Variants in MEGF10 observed in about 807,000 individuals in gnomAD.
MEGF10 encodes the protein multiple epidermal growth factor-like domains protein 10.
Under a neutral mutation model 147.5 loss-of-function variants are expected in MEGF10, and 86 were observed. The ratio of observed to expected loss-of-function variants is 0.58; its 90% CI spans 0.49 to 0.70. MEGF10 has a LOEUF of 0.70. Among genes scored for constraint, MEGF10 ranks in the 30% least tolerant of loss-of-function variants. MEGF10 has a pLI of 0.00. For synonymous variants in MEGF10, 478 were observed against 525.5 expected, an observed-to-expected ratio of 0.91 and a Z score of 1.24; for missense variants, 1,329 against 1,487.3, an observed-to-expected ratio of 0.89 and a Z score of 1.75.
At chr5:127,324,503 A>C (rs1015225849) in intron 1 of MEGF10, among the ~76,000 whole-genome samples, 17 of 152,114 alleles carry the variant, frequency 1.1e-4, no homozygotes, top group Non-Finnish European at 1.9e-4. Context: ...TATTTCTCCC[A>C]GTCCTGCTGA....
chr5:127,394,321 G>C (rs1433549302), intron 5 of MEGF10, among the ~76,000 whole-genome samples: 1 of 152,162 alleles, frequency 6.6e-6, no homozygotes, highest in Non-Finnish European at 1.5e-5. Flanking sequence ...GTAGTATCTA[G>C]AGAAGAGCAG....
chr5:127,353,034 C>T (rs73344962), intron 4 of MEGF10, among the ~76,000 whole-genome samples: 9,639 of 152,238 alleles, frequency 0.063, 637 homozygotes, highest in African/African-American at 0.16. Flanking sequence ...CCTCAACTGT[C>T]TGCAGTTTGC....
At chr5:127,438,387 C>T in intron 16 of MEGF10, 52 bp from the exon 17 acceptor site, 1 of 1,597,408 alleles carries the variant, frequency 6.3e-7, no homozygotes, top group Non-Finnish European at 8.5e-7. Context: ...ATTCTCCCTA[C>T]TTAGTATTGG....
the MEGF10 span, among the ~76,000 whole-genome samples, chr5:127,264,596 C>T: frequency 6.6e-6 from 1 of 152,112 alleles, no homozygotes; most frequent in Non-Finnish European, 1.5e-5. Context: ...CTCTATGTTG[C>T]ACTCTCCATC....
intron 1 of MEGF10, among the ~76,000 whole-genome samples, chr5:127,322,393 T>G (rs1760823180): frequency 6.6e-6 from 1 of 152,170 alleles, no homozygotes; most frequent in African/African-American, 2.4e-5. Flanking sequence ...CTGATTCCTC[T>G]GCCTATACTG....
intron 1 of MEGF10, among the ~76,000 whole-genome samples, chr5:127,328,467 C>T (rs552284464): frequency 1.3e-4 from 20 of 152,288 alleles, no homozygotes; most frequent in Non-Finnish European, 2.2e-4. Flanking sequence ...GTATACTGAA[C>T]TTCCAAAGCA....
chr5:127,259,608 A>C, the MEGF10 span, among the ~76,000 whole-genome samples: 1 of 152,080 alleles, frequency 6.6e-6, no homozygotes, highest in Non-Finnish European at 1.5e-5. Context: ...TGTATCCCCT[A>C]ATCATGGCTG....
chr5:127,425,682 C>T (rs72790417), intron 13 of MEGF10, among the ~76,000 whole-genome samples: 15,665 of 151,850 alleles, frequency 0.1, 896 homozygotes, highest in Non-Finnish European at 0.13. Context: ...ATTTCATTGT[C>T]TGCACTGGAC....
At chr5:127,410,696 C>T (rs2126952878) in intron 9 of MEGF10, 95 bp downstream of exon 9, 2 of 1,134,008 alleles carry the variant, frequency 1.8e-6, no homozygotes, top group South Asian at 1.4e-5. Context: ...GTGATTCTCA[C>T]CCCAAGCCCC....
chr5:127,366,103 A>G (rs1181110675), intron 4 of MEGF10, among the ~76,000 whole-genome samples: 1 of 151,938 alleles, frequency 6.6e-6, no homozygotes, highest in Non-Finnish European at 1.5e-5. Context: ...TGGCATTTGA[A>G]GCTGAATAGG....
chr5:127,453,345 C>T (rs1481964996), intron 22 of MEGF10, among the ~76,000 whole-genome samples: 3 of 152,178 alleles, frequency 2.0e-5, no homozygotes, highest in Non-Finnish European at 4.4e-5. Flanking sequence ...GCATGAGCCA[C>T]CGCACCCGGC....
intron 1 of MEGF10, chr5:127,299,852 T>C (rs1194479080): frequency 6.6e-6 from 1 of 152,218 alleles, no homozygotes; most frequent in Non-Finnish European, 1.5e-5. Context: ...ACACCAAGTG[T>C]TAGGCAGCTG....
chr5:127,458,447 T>A lies in MEGF10; in HGVS notation c.*1129T>A, dbSNP rs987549193. 1 of 152,222 alleles carries A rather than the reference T, an allele frequency of 6.6e-6. No individual in the cohort carries two copies. Among genetic ancestry groups the A allele is most frequent in the Non-Finnish European group, 1.5e-5 (1 of 68,042 alleles). The allele number at this position is 152,222 out of a possible 1,614,324, so 9.4% of individuals were successfully genotyped here. ...GTACCCAACTTTTCATTAATTTGTA[T>A]TTCCATTTTTAAATTGCATATTCTA... On this transcript the variant is annotated 3_prime_UTR_variant, in exon 25 of 25. Coordinates refer to ENST00000503335, the MANE Select transcript of MEGF10 (RefSeq NM_001256545.2).
chr5:127,436,663 G>C (rs774834019), intron 16 of MEGF10, among the ~76,000 whole-genome samples: 1 of 152,162 alleles, frequency 6.6e-6, no homozygotes, highest in Non-Finnish European at 1.5e-5. Flanking sequence ...CTCATTTGGA[G>C]GAGGAATGTG....
In MEGF10 at chr5:127,413,535, C is replaced by G. The variant is rs1296238812; in HGVS notation, c.1130+2934C>G. Among the ~76,000 whole-genome samples the G allele has an allele frequency of 3.3e-5, 5 of 152,152 alleles. No individual in the cohort carries two copies. In the South Asian group the frequency reaches 6.2e-4, roughly 19 times the overall value. On this transcript the variant is annotated intron_variant, in intron 9 of 24. Coordinates refer to ENST00000503335, the MANE Select transcript of MEGF10 (RefSeq NM_001256545.2). ...CTTTTGTTGTAATTCAACTATTAAACAGTTTCCTGGAATATATGTATATAG... is the reference window on the plus strand; with the variant it reads ...CTTTTGTTGTAATTCAACTATTAAAGAGTTTCCTGGAATATATGTATATAG...
At chr5:127,337,638 A>C (rs1761518521) in intron 2 of MEGF10, among the ~76,000 whole-genome samples, 1 of 152,058 alleles carries the variant, frequency 6.6e-6, no homozygotes, top group Non-Finnish European at 1.5e-5. Flanking sequence ...TCCTCATCTG[A>C]ACTTATTTTT....
At chr5:127,415,896 CAAA>C (rs1156648076) in intron 9 of MEGF10, among the ~76,000 whole-genome samples, 21 of 55,588 alleles carry the variant, frequency 3.8e-4, no homozygotes, top group African/African-American at 1.0e-3. Context: ...GACTCCATCT[CAAA>C]AAAAAAAAAA....
rs537911736 is a variant in MEGF10, at chr5:127,442,895, C to T, written c.2363-103C>T. ...GGTACAAGTCAGCCTCAATAGGAATCCCCTGAAAGGACTCAGCTCTAGATG... is the reference window on the plus strand; with the variant it reads ...GGTACAAGTCAGCCTCAATAGGAATTCCCTGAAAGGACTCAGCTCTAGATG... On this transcript the variant is annotated intron_variant, in intron 18 of 24. Coordinates refer to ENST00000503335, the MANE Select transcript of MEGF10 (RefSeq NM_001256545.2). 1.5e-5 allele frequency: 18 copies of T among 1,232,940 alleles called. No individual in the cohort carries two copies. The South Asian group carries it at 1.8e-4, about 12-fold the overall frequency. The allele number at this position is 1,232,940 out of a possible 1,614,324, so 76.4% of individuals were successfully genotyped here. A position where few individuals can be genotyped will look rare whatever the true frequency, so the allele number is the denominator to read the frequency against.
At chr5:127,320,210 A>C (rs1017879732) in intron 1 of MEGF10, among the ~76,000 whole-genome samples, 1 of 152,198 alleles carries the variant, frequency 6.6e-6, no homozygotes, top group South Asian at 2.1e-4. Flanking sequence ...GTGAGTGATC[A>C]GTTTGATGCT....
Sources: allele counts gnomAD v4.1 joint callset (sites outside exome capture counted in the v4.1 genomes callset), GRCh38; gene constraint gnomAD v4.1.1; transcripts MANE v1.5; gene names NCBI Gene and HGNC (gene_info 2026-07-23, HGNC 2026-07-21).